MARK3: variants seen among roughly 807,000 people sequenced by gnomAD.
MARK3 encodes MAP/microtubule affinity-regulating kinase 3.
In MARK3, 46 loss-of-function variants were observed where a neutral mutation model predicts 90.1. The ratio of observed to expected loss-of-function variants is 0.51; its 90% CI spans 0.40 to 0.65. MARK3 has a LOEUF of 0.65. Among genes scored for constraint, MARK3 ranks in the 30% least tolerant of loss-of-function variants. The pLI is 0.00. For missense variants in MARK3, 818 were observed against 947.2 expected (o/e 0.86, Z 1.79); for synonymous variants, 321 against 332.6 (o/e 0.97, Z 0.38).
At position 103,405,002 on chromosome 14, in the gene MARK3, A is replaced by G. The variant is rs560089932; in HGVS notation, c.52-74A>G. 7.4e-4 allele frequency: 849 copies of G among 1,145,732 alleles called. 8 individuals are homozygous for G. In the South Asian group the frequency reaches 8.3e-3, roughly 11 times the overall value. The allele number at this position is 1,145,732 out of a possible 1,614,324, so 71.0% of individuals were successfully genotyped here. On this transcript the variant is annotated intron_variant, in intron 1 of 17. Transcript: ENST00000429436. ...TTAAAGTAGGAATGTTTTTTCTTCA[A>G]TTAGAAGCTCTTAGAACTTGGCAAG...
chr14:103,457,053 G>T, intron 5 of MARK3, 89 bp from the exon 6 acceptor site: 1 of 727,226 alleles, frequency 1.4e-6, no homozygotes, highest in Non-Finnish European at 2.3e-6. Flanking sequence ...TTAAAAATTA[G>T]AGCATTGCTA....
At chr14:103,416,275 G>A (rs1175361866) in intron 2 of MARK3, among the ~76,000 whole-genome samples, 2 of 152,228 alleles carry the variant, frequency 1.3e-5, no homozygotes, top group Admixed American at 6.5e-5. Flanking sequence ...TCTAGGCACA[G>A]ATAAGTGGGA....
intron 3 of MARK3, among the ~76,000 whole-genome samples, chr14:103,445,479 A>G (rs544148052): frequency 6.6e-6 from 1 of 152,282 alleles, no homozygotes; most frequent in Non-Finnish European, 1.5e-5. Flanking sequence ...TATTTGGGCT[A>G]ATATCCTGCC....
At chr14:103,458,808 A>C (rs1354678795) in intron 6 of MARK3, 1 of 672,502 alleles carries the variant, frequency 1.5e-6, no homozygotes, top group Non-Finnish European at 2.7e-6. Flanking sequence ...AAGTGATAGG[A>C]CTTATTAAGT....
chr14:103,393,543 G>A (rs2090399527), intron 1 of MARK3, among the ~76,000 whole-genome samples: 1 of 152,120 alleles, frequency 6.6e-6, no homozygotes, highest in Non-Finnish European at 1.5e-5. Context: ...TTCAATTTGA[G>A]CATCCTTATC....
At chr14:103,477,613 G>C (rs909600431) in intron 13 of MARK3, among the ~76,000 whole-genome samples, 3 of 152,212 alleles carry the variant, frequency 2.0e-5, no homozygotes, top group African/African-American at 7.2e-5. Context: ...TGGGCAATGC[G>C]GTGGCATTTG....
intron 1 of MARK3, among the ~76,000 whole-genome samples, chr14:103,391,510 A>G (rs1248096484): frequency 6.6e-6 from 1 of 151,376 alleles, no homozygotes; most frequent in Admixed American, 6.6e-5. Context: ...GCTTGAATTC[A>G]TACATTATAG....
At chr14:103,461,870 C>T (rs2093407702) in intron 6 of MARK3, among the ~76,000 whole-genome samples, 1 of 152,036 alleles carries the variant, frequency 6.6e-6, no homozygotes, top group South Asian at 2.1e-4. Context: ...AACCCCATCT[C>T]TACTAAAAAT....
intron 3 of MARK3, chr14:103,429,470 C>T (rs2092514312): frequency 6.6e-6 from 1 of 152,208 alleles, no homozygotes; most frequent in Admixed American, 6.5e-5. Flanking sequence ...GCTCTATATA[C>T]ATTTCTAATG....
At chr14:103,412,735 G>A in intron 2 of MARK3, 1 of 557,598 alleles carries the variant, frequency 1.8e-6, no homozygotes, top group Non-Finnish European at 3.4e-6. Context: ...CCTCATCCAG[G>A]GTGTCGTGAG....
intron 14 of MARK3, among the ~76,000 whole-genome samples, chr14:103,485,885 A>G (rs1001469754): frequency 6.6e-6 from 1 of 152,072 alleles, no homozygotes; most frequent in Non-Finnish European, 1.5e-5. Context: ...AAATATATAT[A>G]TTTTTTAATT....
chr14:103,424,134 C>T (rs1193361667), intron 2 of MARK3, among the ~76,000 whole-genome samples: 2 of 151,860 alleles, frequency 1.3e-5, no homozygotes, highest in African/African-American at 2.4e-5. Flanking sequence ...TGCTCGAACC[C>T]GGGAGGCGGA....
intron 2 of MARK3, among the ~76,000 whole-genome samples, chr14:103,427,163 TC>T (rs2092432857): frequency 5.1e-5 from 1 of 19,696 alleles, no homozygotes; most frequent in Non-Finnish European, 1.6e-4. Flanking sequence ...GCCCCAATTT[TC>T]TTTTTTTTTT....
intron 5 of MARK3, among the ~76,000 whole-genome samples, chr14:103,454,949 A>G (rs1264608941): frequency 6.6e-6 from 1 of 152,212 alleles, no homozygotes; most frequent in Non-Finnish European, 1.5e-5. Flanking sequence ...TTTATCTCTA[A>G]TAAATAGCCT....
intron 15 of MARK3, 50 bp from the exon 16 acceptor site, chr14:103,498,452 T>A (rs2075465436): frequency 1.7e-6 from 2 of 1,200,498 alleles, no homozygotes; most frequent in Non-Finnish European, 2.2e-6. Flanking sequence ...GTTTAATTTG[T>A]GCGAGTTATT....
At chr14:103,410,010 A>G (rs934554463) in intron 2 of MARK3, among the ~76,000 whole-genome samples, 1 of 152,228 alleles carries the variant, frequency 6.6e-6, no homozygotes, top group African/African-American at 2.4e-5. Flanking sequence ...TTGGTTTTGA[A>G]TAAAAAGTGA....
intron 2 of MARK3, among the ~76,000 whole-genome samples, chr14:103,423,479 T>G (rs2092297981): frequency 6.6e-6 from 1 of 152,190 alleles, no homozygotes; most frequent in Non-Finnish European, 1.5e-5. Context: ...TCTCACTTAG[T>G]GAGCCCCCTT....
At chr14:103,491,105 T>A (rs1427048425) in intron 14 of MARK3, 1 of 1,253,578 alleles carries the variant, frequency 8.0e-7, no homozygotes, top group African/African-American at 1.5e-5. Context: ...ACTTCAAGGC[T>A]ATGTAAGAAA....
At chr14:103,464,362 G>A (rs113960306) in intron 7 of MARK3, among the ~76,000 whole-genome samples, 4,031 of 129,078 alleles carry the variant, frequency 0.031, 212 homozygotes, top group African/African-American at 0.11. Context: ...GCAGTGGTGC[G>A]ATCTCTGCTC....
Sources: gnomAD v4.1 joint callset for allele counts (sites outside exome capture counted in the v4.1 genomes callset) on GRCh38, gnomAD v4.1.1 for gene constraint, MANE v1.5 for transcripts, NCBI Gene and HGNC (gene_info 2026-07-23, HGNC 2026-07-21) for gene names.